Variants in SLC12A4 observed in about 807,000 individuals in gnomAD.
SLC12A4 encodes electroneutral potassium-chloride cotransporter 1.
SLC12A4 carries 84 observed loss-of-function variants against 119.2 expected under a neutral mutation model. The ratio of observed to expected loss-of-function variants is 0.70; its 90% CI spans 0.59 to 0.85. SLC12A4 has a LOEUF of 0.85. SLC12A4 is among the 40% of genes least tolerant of loss of function. The pLI is 0.00. For synonymous variants in SLC12A4, 599 were observed against 604.6 expected, an observed-to-expected ratio of 0.99 and a Z score of 0.14; for missense variants, 1,298 against 1,476.3, an observed-to-expected ratio of 0.88 and a Z score of 1.98.
intron 21 of SLC12A4, 62 bp downstream of exon 21, chr16:67,945,702 A>G: frequency 6.5e-7 from 1 of 1,531,880 alleles, no homozygotes; most frequent in Non-Finnish European, 8.9e-7. Context: ...GCACCCACCG[A>G]TGCGGTCTCC....
chr16:67,950,263 C>G lies in SLC12A4; in HGVS notation c.1629+56G>C. On this transcript the variant is annotated intron_variant, in intron 12 of 23. Coordinates refer to ENST00000316341, the MANE Select transcript of SLC12A4 (RefSeq NM_005072.5). The surrounding 1 kb of genome is among the most constrained non-coding windows in gnomAD (Gnocchi z 4.3). The stretch of plus-strand genomic sequence containing the variant: ...CATCTGTGTTCCCTATCTCTCTCCC[C>G]AGCCGGGCGAGGGCCTGGGAGCAGC... 1.3e-6 allele frequency: 2 copies of G among 1,579,750 alleles called. No individual in the cohort carries two copies. The highest frequency in any genetic ancestry group is 1.8e-5 in the Admixed American group (1 of 56,370).
intron 1 of SLC12A4, among the ~76,000 whole-genome samples, chr16:67,964,744 A>AC (rs2030783104): frequency 6.6e-6 from 1 of 152,176 alleles, no homozygotes; most frequent in South Asian, 2.1e-4. Context: ...CATGCCCGCC[A>AC]ACCTTTTCTG....
intron 14 of SLC12A4, 101 bp downstream of exon 14, chr16:67,947,960 C>T (rs2151326046): frequency 1.3e-6 from 2 of 1,483,156 alleles, no homozygotes; most frequent in Non-Finnish European, 1.9e-6. Flanking sequence ...AATCTCCCTC[C>T]CCACAGTGTT....
In SLC12A4 at chr16:67,949,585, G is replaced by A; in HGVS notation, c.1748+215C>T. The A allele has an allele frequency of 2.1e-6, 1 of 471,370 alleles. No homozygotes were observed. The highest frequency in any genetic ancestry group is 3.7e-6 in the Non-Finnish European group (1 of 268,320). 29.2% of individuals were successfully genotyped at this position (471,370 alleles called of 1,614,324 possible). On this transcript the variant is annotated intron_variant, in intron 13 of 23. Transcript: ENST00000316341. The surrounding 1 kb of genome is among the most constrained non-coding windows in gnomAD (Gnocchi z 4.6). ...CCGGCCACCTGCTCTGGGGGCCTCA[G>A]GGAGGTGTGGACATATTGGTCACCT...
chr16:67,957,845 G>A, intron 4 of SLC12A4, 49 bp from the exon 5 acceptor site: 1 of 1,613,968 alleles, frequency 6.2e-7, no homozygotes, highest in African/African-American at 1.3e-5. Context: ...TGGGCTCTGT[G>A]GGGGCAGCCG....
rs73596511 is a variant in SLC12A4 at position 67,954,510 on chromosome 16, G to A, written c.675+133C>T. 0.017 allele frequency: 18,721 copies of A among 1,128,550 alleles called. 1,180 individuals are homozygous for A. In the African/African-American group the frequency reaches 0.18, roughly 11 times the overall value. 69.9% of individuals were successfully genotyped at this position (1,128,550 alleles called of 1,614,324 possible). A position where few individuals can be genotyped will look rare whatever the true frequency, so the allele number is the denominator to read the frequency against. ...GCCTGAGTAAAGGTCTTTGTCTCTC[G>A]AAGAGGCTTCCTACTTTATAATACC... On this transcript the variant is annotated intron_variant, in intron 6 of 23. Transcript: ENST00000316341.
At position 67,946,444 on chromosome 16, in the gene SLC12A4, A is replaced by C; in HGVS notation, c.2431T>G (p.Phe811Val). The C allele has an allele frequency of 6.2e-7, 1 of 1,605,330 alleles. No homozygotes were observed. Among genetic ancestry groups the C allele is most frequent in the Non-Finnish European group, 8.5e-7 (1 of 1,179,836 alleles). Residue 811 changes from phenylalanine to valine, a missense_variant, in exon 18 of 24, where the codon TTC becomes GTC. Transcript: ENST00000316341. Reference protein sequence around the residue: ...QSEDPRAWKTFIDTVRCTTAA... With the variant: ...QSEDPRAWKTVIDTVRCTTAA... ...GCCCCAGGCCTTCACACACCAATGA[A>C]GGTCTTCCAGGCACGGGGGTCCTCG...
In SLC12A4 at chr16:67,944,241, C is replaced by T; in HGVS notation, c.*599G>A. The T allele has an allele frequency of 6.9e-7, 1 of 1,443,970 alleles. No homozygotes were observed. Among genetic ancestry groups the T allele is most frequent in the South Asian group, 1.4e-5 (1 of 70,482 alleles). The allele number at this position is 1,443,970 out of a possible 1,614,324, so 89.4% of individuals were successfully genotyped here. A position where few individuals can be genotyped will look rare whatever the true frequency, so the allele number is the denominator to read the frequency against. On this transcript the variant is annotated 3_prime_UTR_variant, in exon 24 of 24. Transcript: ENST00000316341. The surrounding 1 kb of genome is among the most constrained non-coding windows in gnomAD (Gnocchi z 6.6). ...GGCCAGAGATTGCCGGAAAGGGGCACAGCCTCAGGGAGCCGGCTCTGGGCC... is the reference window on the plus strand; with the variant it reads ...GGCCAGAGATTGCCGGAAAGGGGCATAGCCTCAGGGAGCCGGCTCTGGGCC...
In SLC12A4 at chr16:67,943,682, C is replaced by T. The variant is rs115102600; in HGVS notation, c.*1158G>A. The T allele has an allele frequency of 1.4e-3, 763 of 540,520 alleles. 9 individuals carry two copies. The highest frequency in any genetic ancestry group is 0.013 in the African/African-American group (668 of 52,946). The allele number at this position is 540,520 out of a possible 1,614,324, so 33.5% of individuals were successfully genotyped here. Reference sequence around the variant, plus strand: ...CTGGTGTGGCTGTGACTGACCACAGCTTGTGATGCCCCAGCCAAGACCTCA... The same window carrying T: ...CTGGTGTGGCTGTGACTGACCACAGTTTGTGATGCCCCAGCCAAGACCTCA... On this transcript the variant is annotated 3_prime_UTR_variant, in exon 24 of 24. Transcript: ENST00000316341. This position sits in a 1 kb window ranked among gnomAD's most constrained non-coding sequence, Gnocchi z 4.6.
intron 5 of SLC12A4, chr16:67,957,489 C>A: frequency 1.9e-6 from 1 of 519,126 alleles, no homozygotes; most frequent in East Asian, 3.4e-5. Flanking sequence ...CTTTCAAACC[C>A]TCTTACAGTA....
Position 67,944,391 on chromosome 16 carries a change from C to G in SLC12A4, c.*449G>C, listed in dbSNP as rs897158973. The G allele has an allele frequency of 2.1e-5, 28 of 1,317,468 alleles. No individual in the cohort carries two copies. In the African/African-American group the frequency reaches 4.1e-4, roughly 19 times the overall value. The allele number at this position is 1,317,468 out of a possible 1,614,324, so 81.6% of individuals were successfully genotyped here. On this transcript the variant is annotated 3_prime_UTR_variant, in exon 24 of 24. Coordinates refer to ENST00000316341, the MANE Select transcript of SLC12A4 (RefSeq NM_005072.5). The surrounding 1 kb of genome is among the most constrained non-coding windows in gnomAD (Gnocchi z 6.6). ...TCAGCTCAGCTGTCTCCATTCGGCT[C>G]AGCTTGGTGGGGGGCCCTGCCCATA...
Position 67,950,233 on chromosome 16 carries a change from T to C in SLC12A4, c.1629+86A>G, listed in dbSNP as rs1480331836. On this transcript the variant is annotated intron_variant, in intron 12 of 23. Transcript: ENST00000316341. This position sits in a 1 kb window ranked among gnomAD's most constrained non-coding sequence, Gnocchi z 4.3. Reference sequence around the variant, plus strand: ...CCCGGGGGCCAATAAGGGCAGGACGTGCTGCATCTGTGTTCCCTATCTCTC... The same window carrying C: ...CCCGGGGGCCAATAAGGGCAGGACGCGCTGCATCTGTGTTCCCTATCTCTC... The C allele has an allele frequency of 3.3e-6, 5 of 1,494,164 alleles. No homozygotes were observed. The East Asian group carries it at 6.8e-5, about 20-fold the overall frequency. 92.6% of individuals were successfully genotyped at this position (1,494,164 alleles called of 1,614,324 possible).
rs1055134455 is a variant in SLC12A4 at position 67,949,964 on chromosome 16, C to T, written c.1630-46G>A. ...GCTGGGTCCTGTCACCCCCATTCCA[C>T]ACCTTGGGCCCCAGACCCCAGCCTG... On this transcript the variant is annotated intron_variant, in intron 12 of 23. Coordinates refer to ENST00000316341, the MANE Select transcript of SLC12A4 (RefSeq NM_005072.5). This position sits in a 1 kb window ranked among gnomAD's most constrained non-coding sequence, Gnocchi z 4.6. 6.8e-7 allele frequency: 1 copy of T among 1,464,130 alleles called. No individual in the cohort carries two copies. Among genetic ancestry groups the T allele is most frequent in the Non-Finnish European group, 9.5e-7 (1 of 1,047,126 alleles). 90.7% of individuals were successfully genotyped at this position (1,464,130 alleles called of 1,614,324 possible).
At position 67,952,432 on chromosome 16, in the gene SLC12A4, C is replaced by G. The variant is rs1567419843; in HGVS notation, c.676-7G>C. On this transcript the variant is annotated splice_polypyrimidine_tract_variant and splice_region_variant and intron_variant, in intron 6 of 23. Transcript: ENST00000316341. The stretch of plus-strand genomic sequence containing the variant: ...CTGGTGGGGCAATGTAGGTCTGAAA[C>G]AAGAAGATGGATAAGGAGGGTTTTA... 4 of 1,613,338 alleles carry G rather than the reference C, an allele frequency of 2.5e-6. No individual in the cohort carries two copies. Among genetic ancestry groups the G allele is most frequent in the East Asian group, 4.5e-5 (2 of 44,874 alleles).
intron 5 of SLC12A4, among the ~76,000 whole-genome samples, chr16:67,956,833 C>T (rs201048122): frequency 1.1e-4 from 16 of 149,296 alleles, no homozygotes; most frequent in East Asian, 3.9e-4. Context: ...CACACACACA[C>T]ATATATATAT....
At chr16:67,968,236 G>A (rs1431062835) in intron 1 of SLC12A4, among the ~76,000 whole-genome samples, 1 of 152,060 alleles carries the variant, frequency 6.6e-6, no homozygotes, top group Admixed American at 6.5e-5. Flanking sequence ...AAGCGGCCGG[G>A]CGCGGGCGCC....
Position 67,953,109 on chromosome 16 carries a change from T to A in SLC12A4, c.676-684A>T, listed in dbSNP as rs934888891. ...TGAGACCTTGTCTCAAAAAAATAAA[T>A]GAATAGGCCGGGCGCAATGGCTCAT... On this transcript the variant is annotated intron_variant, in intron 6 of 23. Coordinates refer to ENST00000316341, the MANE Select transcript of SLC12A4 (RefSeq NM_005072.5). 4.2e-5 allele frequency among the ~76,000 whole-genome samples: 6 copies of A among 144,178 alleles called. No homozygotes were observed. In the South Asian group the frequency reaches 1.3e-3, roughly 31 times the overall value. 94.6% of individuals were successfully genotyped at this position (144,178 alleles called of 152,430 possible).
In SLC12A4 at chr16:67,952,591, G is replaced by A. The variant is rs559123703; in HGVS notation, c.676-166C>T. Among the ~76,000 whole-genome samples the A allele has an allele frequency of 2.0e-5, 3 of 151,700 alleles. No homozygotes were observed. The South Asian group carries it at 6.3e-4, about 32-fold the overall frequency. On this transcript the variant is annotated intron_variant, in intron 6 of 23. Coordinates refer to ENST00000316341, the MANE Select transcript of SLC12A4 (RefSeq NM_005072.5). ...GAGGTGGGGGATCACTTGAGGTCAG[G>A]AGATCATGACTAGCCTGGCCAACAT...
rs1195448644 is a variant in SLC12A4 at position 67,944,034 on chromosome 16, G to A, written c.*806C>T. On this transcript the variant is annotated 3_prime_UTR_variant, in exon 24 of 24. Coordinates refer to ENST00000316341, the MANE Select transcript of SLC12A4 (RefSeq NM_005072.5). The surrounding 1 kb of genome is among the most constrained non-coding windows in gnomAD (Gnocchi z 6.6). The stretch of plus-strand genomic sequence containing the variant: ...GAGCACATTGAGGAGCCAGAAGGGG[G>A]CGGCAGGAGGGAGCAGCAGCCCCAG... 7 of 1,547,656 alleles carry A rather than the reference G, an allele frequency of 4.5e-6. No individual in the cohort carries two copies. Among genetic ancestry groups the A allele is most frequent in the Non-Finnish European group, 6.1e-6 (7 of 1,145,728 alleles).
Sources: gnomAD v4.1 joint callset for allele counts (sites outside exome capture counted in the v4.1 genomes callset) on GRCh38, gnomAD v4.1.1 for gene constraint, Gnocchi (gnomAD v3.1) non-coding constraint, MANE v1.5 for transcripts, NCBI Gene and HGNC (gene_info 2026-07-23, HGNC 2026-07-21) for gene names.